LAMA4: variants seen among roughly 807,000 people sequenced by gnomAD.
LAMA4 encodes laminin subunit alpha-4.
Under a neutral mutation model 207.1 loss-of-function variants are expected in LAMA4, and 127 were observed. That is an observed-to-expected ratio of 0.61 (90% CI 0.53 to 0.71). The LOEUF (loss-of-function observed/expected upper bound fraction) is 0.71. Among genes scored for constraint, LAMA4 ranks in the 30% least tolerant of loss-of-function variants. The probability of loss-of-function intolerance (pLI) is 0.00; values close to 1 mark genes in which losing one functional copy is unlikely to be tolerated. For missense variants in LAMA4, 2,093 were observed against 2,246.5 expected (o/e 0.93, Z 1.38); for synonymous variants, 761 against 816.0 (o/e 0.93, Z 1.15).
At chr6:112,153,173 G>A (rs898836938) in intron 16 of LAMA4, among the ~76,000 whole-genome samples, 7 of 152,068 alleles carry the variant, frequency 4.6e-5, no homozygotes, top group Admixed American at 2.6e-4. Context: ...TAATGAAAAG[G>A]AAATTTGGGA....
At chr6:112,198,449 G>A (rs1252086116) in intron 5 of LAMA4, among the ~76,000 whole-genome samples, 2 of 152,138 alleles carry the variant, frequency 1.3e-5, no homozygotes, top group East Asian at 1.9e-4. Context: ...TTAGGCGAAG[G>A]TTAACTCAGG....
intron 31 of LAMA4, among the ~76,000 whole-genome samples, chr6:112,128,392 G>C (rs782483768): frequency 5.9e-5 from 9 of 152,134 alleles, no homozygotes; most frequent in Non-Finnish European, 1.2e-4. Flanking sequence ...TGAGTTCACA[G>C]GAGACTAGAA....
chr6:112,125,566 A>G (rs910877960), intron 31 of LAMA4, among the ~76,000 whole-genome samples: 1 of 152,260 alleles, frequency 6.6e-6, no homozygotes, highest in African/African-American at 2.4e-5. Flanking sequence ...AACTTGAAAC[A>G]TAAACATTGT....
chr6:112,119,181 G>A lies in LAMA4; in HGVS notation c.4796C>T (p.Pro1599Leu). Residue 1599 changes from proline to leucine, a missense_variant, in exon 34 of 39, where the codon CCT (proline) becomes CTT (leucine). Around this residue, in one of 3 missense-constraint regions of LAMA4, gnomAD observed 383 missense variants for 437.8 expected, o/e 0.87. Coordinates refer to ENST00000230538, the MANE Select transcript of LAMA4 (RefSeq NM_001105206.3). The part of the protein sequence containing the change: ...KGPIYLGGVA[P>L]GKAVKNVQIN... ...CTGAACATTTTTCACAGCCTTTCCA[G>A]GAGCCACACCTCCCAAATAAATGGG... 6.2e-7 allele frequency: 1 copy of A among 1,613,946 alleles called. No individual in the cohort carries two copies. Among genetic ancestry groups the A allele is most frequent in the Non-Finnish European group, 8.5e-7 (1 of 1,179,924 alleles).
intron 12 of LAMA4, among the ~76,000 whole-genome samples, chr6:112,169,234 C>G (rs1554341060): frequency 6.6e-6 from 1 of 152,000 alleles, no homozygotes; most frequent in African/African-American, 2.4e-5. Flanking sequence ...AAGTGAGACA[C>G]AAAGGAATGG....
intron 13 of LAMA4, among the ~76,000 whole-genome samples, chr6:112,163,697 C>T (rs782441953): frequency 6.6e-6 from 1 of 152,150 alleles, no homozygotes; most frequent in Non-Finnish European, 1.5e-5. Context: ...AGACATTTTG[C>T]TGTGAAGCTG....
intron 9 of LAMA4, chr6:112,180,033 T>A (rs1782261127): frequency 2.3e-6 from 1 of 428,878 alleles, no homozygotes; most frequent in Non-Finnish European, 4.7e-6. Flanking sequence ...TCCTCCCTGC[T>A]TTTAAAAAAT....
rs992440117 is a variant in LAMA4, at chr6:112,175,210, A to G, written c.1357+103T>C. The G allele has an allele frequency of 1.1e-5, 12 of 1,102,320 alleles. No individual in the cohort carries two copies. In the African/African-American group the frequency reaches 1.9e-4, roughly 17 times the overall value. The allele number at this position is 1,102,320 out of a possible 1,614,324, so 68.3% of individuals were successfully genotyped here. On this transcript the variant is annotated intron_variant, in intron 11 of 38. Transcript: ENST00000230538. ...TTCTAAATAGTTCTGAACACTGGAAATTGGTTGCTTTGATTATATGTTGCC... is the reference window on the plus strand; with the variant it reads ...TTCTAAATAGTTCTGAACACTGGAAGTTGGTTGCTTTGATTATATGTTGCC...
At chr6:112,201,550 T>A in intron 5 of LAMA4, 58 bp downstream of exon 5, 1 of 1,363,408 alleles carries the variant, frequency 7.3e-7, no homozygotes, top group South Asian at 1.2e-5. Flanking sequence ...CTGTTGAGTG[T>A]GAGAAACAGA....
At chr6:112,230,367 C>T (rs1185448281) in intron 2 of LAMA4, among the ~76,000 whole-genome samples, 2 of 152,190 alleles carry the variant, frequency 1.3e-5, no homozygotes, top group African/African-American at 4.8e-5. Flanking sequence ...TGGAGACAGC[C>T]TGAGGCAGCA....
chr6:112,136,996 G>A (rs1299106865), intron 24 of LAMA4, among the ~76,000 whole-genome samples: 2 of 151,896 alleles, frequency 1.3e-5, no homozygotes, highest in East Asian at 3.9e-4. Flanking sequence ...TAATTTCAAG[G>A]TATACTGAAA....
intron 25 of LAMA4, 48 bp downstream of exon 25, chr6:112,136,074 TA>T: frequency 6.4e-7 from 1 of 1,556,898 alleles, no homozygotes; most frequent in Non-Finnish European, 8.8e-7. Context: ...TCAACAGATC[TA>T]AGTATAAAGA....
At chr6:112,205,749 A>G (rs1176892702) in intron 4 of LAMA4, among the ~76,000 whole-genome samples, 1 of 151,492 alleles carries the variant, frequency 6.6e-6, no homozygotes, top group Non-Finnish European at 1.5e-5. Flanking sequence ...CTATGACCAG[A>G]GGCACCACCG....
chr6:112,224,973 G>A (rs1394110408), intron 2 of LAMA4, among the ~76,000 whole-genome samples: 11 of 149,712 alleles, frequency 7.3e-5, no homozygotes, highest in Admixed American at 1.3e-4. Flanking sequence ...TTTTTGGCAG[G>A]GGACGGGGAA....
At chr6:112,234,791 G>A (rs1156933304) in intron 2 of LAMA4, 3 of 152,122 alleles carry the variant, frequency 2.0e-5, no homozygotes, top group Non-Finnish European at 4.4e-5. Flanking sequence ...AAAACATAGG[G>A]CACAGGAAAA....
At chr6:112,194,156 C>A (rs1179625402) in intron 5 of LAMA4, among the ~76,000 whole-genome samples, 1 of 152,178 alleles carries the variant, frequency 6.6e-6, no homozygotes, top group Non-Finnish European at 1.5e-5. Flanking sequence ...GAACTTGTGG[C>A]TGGATTGAAT....
intron 17 of LAMA4, among the ~76,000 whole-genome samples, chr6:112,149,909 G>A (rs1440303192): frequency 6.6e-6 from 1 of 152,138 alleles, no homozygotes; most frequent in African/African-American, 2.4e-5. Context: ...TTCACTGCGC[G>A]AAGGAAGGCA....
chr6:112,177,696 A>G (rs1782107023), intron 10 of LAMA4, among the ~76,000 whole-genome samples: 1 of 152,168 alleles, frequency 6.6e-6, no homozygotes, highest in Admixed American at 6.5e-5. Context: ...GGCCTTTGGG[A>G]AAGCCCATCA....
intron 29 of LAMA4, 177 bp from the exon 30 acceptor site, chr6:112,130,217 A>G: frequency 1.6e-6 from 1 of 612,166 alleles, no homozygotes; most frequent in Non-Finnish European, 2.9e-6. Flanking sequence ...ATATTTCTAT[A>G]TGCAAAAAAG....
Sources: gnomAD v4.1 joint callset for allele counts (sites outside exome capture counted in the v4.1 genomes callset) on GRCh38, gnomAD v4.1.1 for gene constraint, gnomAD v4.1.1 regional missense constraint, MANE v1.5 for transcripts, NCBI Gene and HGNC (gene_info 2026-07-23, HGNC 2026-07-21) for gene names.